Variants in PDE10A observed in about 807,000 individuals in gnomAD.
PDE10A encodes phosphodiesterase 10A.
PDE10A carries 39 observed loss-of-function variants against 97.7 expected under a neutral mutation model. The observed-to-expected ratio is 0.40, with a 90% CI of 0.31 to 0.52. The LOEUF (loss-of-function observed/expected upper bound fraction) is 0.52. Ranked by LOEUF, PDE10A falls within the 20% of genes least tolerant of loss-of-function variation. The pLI, the probability that PDE10A is intolerant of heterozygous loss-of-function variation, is 0.56. For synonymous variants in PDE10A, 371 were observed against 376.8 expected (o/e 0.98, Z 0.18); for missense variants, 731 against 1,047.8 (o/e 0.70, Z 4.17).
At chr6:165,685,884 T>C (rs1791100468) in intron 1 of PDE10A, among the ~76,000 whole-genome samples, 1 of 152,206 alleles carries the variant, frequency 6.6e-6, no homozygotes, top group Non-Finnish European at 1.5e-5. Context: ...GTAGAATTTA[T>C]AAGATGACAT....
chr6:165,691,110 C>CCCCA (rs1791271846), intron 1 of PDE10A, among the ~76,000 whole-genome samples: 1 of 62,340 alleles, frequency 1.6e-5, no homozygotes, highest in Non-Finnish European at 3.3e-5. Context: ...TCTCTCTCCC[C>CCCCA]CCCCCCATCA....
intron 1 of PDE10A, among the ~76,000 whole-genome samples, chr6:165,979,445 A>G (rs1208078584): frequency 6.6e-6 from 1 of 152,240 alleles, no homozygotes; most frequent in Non-Finnish European, 1.5e-5. Context: ...CTCATAGCAG[A>G]TTTTATTTCA....
chr6:165,814,791 G>A, intron 1 of PDE10A, among the ~76,000 whole-genome samples: 2 of 152,078 alleles, frequency 1.3e-5, no homozygotes, highest in East Asian at 3.9e-4. Context: ...AGAAAGCTAA[G>A]GCCTTTAATT....
At chr6:165,437,736 T>C (rs1336191806) in intron 5 of PDE10A, among the ~76,000 whole-genome samples, 2 of 152,148 alleles carry the variant, frequency 1.3e-5, no homozygotes, top group African/African-American at 4.8e-5. Context: ...GAAGGGAAAA[T>C]GAAGCCTAAC....
chr6:165,822,186 A>G (rs79598335), intron 1 of PDE10A, among the ~76,000 whole-genome samples: 9,381 of 152,096 alleles, frequency 0.062, 928 homozygotes, highest in East Asian at 0.44. Flanking sequence ...AACAGAGTGC[A>G]TTTACACACA....
intron 1 of PDE10A, among the ~76,000 whole-genome samples, chr6:165,826,002 A>G (rs1779731149): frequency 6.6e-6 from 1 of 152,132 alleles, no homozygotes; most frequent in South Asian, 2.1e-4. Flanking sequence ...GCATTCCAAA[A>G]AGTCTTCTCA....
intron 1 of PDE10A, among the ~76,000 whole-genome samples, chr6:165,860,241 G>A (rs945905459): frequency 7.2e-5 from 11 of 152,144 alleles, no homozygotes; most frequent in African/African-American, 2.7e-4. Flanking sequence ...ATCACATGAG[G>A]TTGAGAGATC....
At chr6:165,901,874 C>T (rs1276988215) in intron 1 of PDE10A, among the ~76,000 whole-genome samples, 1 of 74,440 alleles carries the variant, frequency 1.3e-5, no homozygotes, top group Non-Finnish European at 2.5e-5. Flanking sequence ...ATGACTAAGC[C>T]CAGCCCGTCA....
At chr6:165,700,437 A>G (rs1791540202) in intron 1 of PDE10A, among the ~76,000 whole-genome samples, 1 of 152,164 alleles carries the variant, frequency 6.6e-6, no homozygotes, top group South Asian at 2.1e-4. Flanking sequence ...ATTAAATTGC[A>G]CATTTCACAC....
chr6:165,431,581 CTATA>C (rs67570284), intron 7 of PDE10A, 109 bp from the exon 8 acceptor site: 58,888 of 314,396 alleles, frequency 0.19, 6,239 homozygotes, highest in East Asian at 0.27. Flanking sequence ...CATATATATA[CTATA>C]TATAGTATAC....
chr6:165,606,803 G>GAGTGCGTGC (rs1041772503), intron 1 of PDE10A, among the ~76,000 whole-genome samples: 5 of 152,202 alleles, frequency 3.3e-5, no homozygotes, highest in Admixed American at 2.0e-4. Context: ...CTGGACCATG[G>GAGTGCGTGC]AGTGCGTGCA....
intron 1 of PDE10A, among the ~76,000 whole-genome samples, chr6:165,968,406 C>T (rs961751586): frequency 6.6e-6 from 1 of 152,198 alleles, no homozygotes; most frequent in Non-Finnish European, 1.5e-5. Flanking sequence ...AACAATGTCA[C>T]CATGAAGCCA....
At chr6:165,838,062 T>C (rs1388491014) in intron 1 of PDE10A, among the ~76,000 whole-genome samples, 1 of 152,200 alleles carries the variant, frequency 6.6e-6, no homozygotes, top group East Asian at 1.9e-4. Context: ...CAAGCTTCCT[T>C]CTGCCCGTGA....
chr6:165,573,818 TG>T (rs1785169752), intron 1 of PDE10A, among the ~76,000 whole-genome samples: 1 of 152,192 alleles, frequency 6.6e-6, no homozygotes, highest in African/African-American at 2.4e-5. Flanking sequence ...TCTTTTCCCC[TG>T]CTCTGGCACA....
intron 21 of PDE10A, among the ~76,000 whole-genome samples, chr6:165,334,327 G>A (rs541226770): frequency 1.6e-4 from 24 of 147,922 alleles, no homozygotes; most frequent in Admixed American, 8.0e-4. Flanking sequence ...CGCCGGGCAC[G>A]CGCCTCCATA....
chr6:165,419,421 C>T (rs773387679), intron 10 of PDE10A, among the ~76,000 whole-genome samples: 39 of 152,234 alleles, frequency 2.6e-4, no homozygotes, highest in South Asian at 4.1e-4. Context: ...ACAATATTAA[C>T]GCAGGAAAAT....
At chr6:165,715,582 G>A (rs1305534989) in intron 1 of PDE10A, among the ~76,000 whole-genome samples, 1 of 152,130 alleles carries the variant, frequency 6.6e-6, no homozygotes, top group Admixed American at 6.5e-5. Context: ...AGAGGTGAAG[G>A]GAGACACGCA....
At chr6:165,665,103 T>C (rs1397532941), upstream of PDE10A, among the ~76,000 whole-genome samples, 2 of 152,166 alleles carry the variant, frequency 1.3e-5, no homozygotes, top group Admixed American at 6.5e-5. Context: ...CCTGGACAAA[T>C]TAAAAATCAC....
At chr6:165,907,307 G>T (rs1782317860) in intron 1 of PDE10A, among the ~76,000 whole-genome samples, 1 of 152,342 alleles carries the variant, frequency 6.6e-6, no homozygotes, top group Admixed American at 6.5e-5. Context: ...TTTCCCCAGA[G>T]GTGGGTAACA....
Sources: gnomAD v4.1 joint callset for allele counts (sites outside exome capture counted in the v4.1 genomes callset) on GRCh38, gnomAD v4.1.1 for gene constraint, MANE v1.5 for transcripts, NCBI Gene and HGNC (gene_info 2026-07-23, HGNC 2026-07-21) for gene names.